Variants in ZFYVE26 observed in about 807,000 individuals in gnomAD.
The protein encoded by ZFYVE26 is zinc finger FYVE domain-containing protein 26.
A neutral mutation model predicts 276.5 loss-of-function variants in ZFYVE26; 181 were observed. That is an observed-to-expected ratio of 0.65 (90% CI 0.58 to 0.74). The LOEUF is 0.74. ZFYVE26 is among the 30% of genes least tolerant of loss of function. The pLI is 0.00. For missense variants in ZFYVE26, 2,821 were observed against 3,097.9 expected, an observed-to-expected ratio of 0.91 and a Z score of 2.12; for synonymous variants, 1,129 against 1,203.1, an observed-to-expected ratio of 0.94 and a Z score of 1.27.
intron 13 of ZFYVE26, among the ~76,000 whole-genome samples, chr14:67,734,906 G>T (rs562226696): frequency 6.6e-6 from 1 of 152,336 alleles, no homozygotes; most frequent in South Asian, 2.1e-4. Flanking sequence ...AGCTTGGCCA[G>T]CTCACAGTGG....
At chr14:67,750,677 T>C (rs1594880348) in intron 41 of ZFYVE26, 2 of 322,006 alleles carry the variant, frequency 6.2e-6, no homozygotes, top group East Asian at 1.5e-4. Flanking sequence ...CCCTCTAGGA[T>C]AAAGAGATAC....
rs570241632 is a variant in ZFYVE26, at chr14:67,735,117, A to G, written n.2680-5298T>C. 21 of 791,374 alleles carry G rather than the reference A, an allele frequency of 2.7e-5. No individual in the cohort carries two copies. The African/African-American group carries it at 2.9e-4, about 11-fold the overall frequency. The allele number at this position is 791,374 out of a possible 1,614,324, so 49.0% of individuals were successfully genotyped here. A position where few individuals can be genotyped will look rare whatever the true frequency, so the allele number is the denominator to read the frequency against. On this transcript the variant is annotated intron_variant and non_coding_transcript_variant, in intron 13 of 14. Transcript: ENST00000394455. The stretch of plus-strand genomic sequence containing the variant: ...AGCAGCAAAGAATGCAAAAGAAAAC[A>G]ATGATAGGCATGGGTGTTGATTCGA...
intron 40 of ZFYVE26, among the ~76,000 whole-genome samples, chr14:67,751,753 G>A (rs1320043395): frequency 2.6e-5 from 4 of 152,022 alleles, no homozygotes; most frequent in East Asian, 3.9e-4. Flanking sequence ...GGCGCCTGTA[G>A]TCCCAGCTAC....
chr14:67,809,716 C>G lies in ZFYVE26; in HGVS notation c.274-427G>C, dbSNP rs139567510. Reference sequence around the variant, plus strand: ...GGATTACAGATGTGAGCTACCACGCCTGGCCTAAGATAAAGTACTTTTAAA... The same window carrying G: ...GGATTACAGATGTGAGCTACCACGCGTGGCCTAAGATAAAGTACTTTTAAA... On this transcript the variant is annotated intron_variant, in intron 3 of 41. Coordinates refer to ENST00000347230, the MANE Select transcript of ZFYVE26 (RefSeq NM_015346.4). Among the ~76,000 whole-genome samples the G allele has an allele frequency of 2.4e-4, 37 of 151,684 alleles. 1 individual carries two copies. The East Asian group carries it at 7.2e-3, about 29-fold the overall frequency.
Position 67,748,229 on chromosome 14 carries a change from T to A in ZFYVE26, c.*207A>T. Reference sequence around the variant, plus strand: ...CTGGCCATCTCCAGACAAACACACATAGATTCCACAATTTTAGAGAAACAT... The same window carrying A: ...CTGGCCATCTCCAGACAAACACACAAAGATTCCACAATTTTAGAGAAACAT... On this transcript the variant is annotated 3_prime_UTR_variant, in exon 42 of 42. Coordinates refer to ENST00000347230, the MANE Select transcript of ZFYVE26 (RefSeq NM_015346.4). 1 of 613,968 alleles carries A rather than the reference T, an allele frequency of 1.6e-6. No homozygotes were observed. The highest frequency in any genetic ancestry group is 3.0e-5 in the Admixed American group (1 of 33,872). 38.0% of individuals were successfully genotyped at this position (613,968 alleles called of 1,614,324 possible).
intron 28 of ZFYVE26, among the ~76,000 whole-genome samples, chr14:67,771,395 CT>C (rs1222602616): frequency 6.6e-6 from 1 of 152,164 alleles, no homozygotes; most frequent in African/African-American, 2.4e-5. Flanking sequence ...ATCAAAGTGA[CT>C]TTAAAGTACT....
chr14:67,786,996 T>C (rs1018017838), intron 16 of ZFYVE26, among the ~76,000 whole-genome samples: 15 of 152,038 alleles, frequency 9.9e-5, no homozygotes, highest in Non-Finnish European at 2.2e-4. Flanking sequence ...TCAAAATAAC[T>C]GAATTCATGG....
chr14:67,732,815 A>G (rs2038300286), intron 13 of ZFYVE26, among the ~76,000 whole-genome samples: 1 of 152,166 alleles, frequency 6.6e-6, no homozygotes, highest in Non-Finnish European at 1.5e-5. Flanking sequence ...TCCTGACCTC[A>G]GGTGATCCAC....
chr14:67,786,254 AGG>A, intron 16 of ZFYVE26, 21 bp from the exon 17 acceptor site: 1 of 1,591,200 alleles, frequency 6.3e-7, no homozygotes. Context: ...ATGAAGGAAG[AGG>A]GAATGCAAAA....
chr14:67,791,550 T>C (rs2039813420), intron 14 of ZFYVE26, among the ~76,000 whole-genome samples: 1 of 152,032 alleles, frequency 6.6e-6, no homozygotes, highest in Non-Finnish European at 1.5e-5. Context: ...TGTTCCATAC[T>C]ATAGGGTTAA....
chr14:67,748,083 C>T lies in ZFYVE26; in HGVS notation c.*353G>A, dbSNP rs1435132924. 1 of 292,904 alleles carries T rather than the reference C, an allele frequency of 3.4e-6. No individual in the cohort carries two copies. Among genetic ancestry groups the T allele is most frequent in the Non-Finnish European group, 6.5e-6 (1 of 153,558 alleles). The allele number at this position is 292,904 out of a possible 1,614,324, so 18.1% of individuals were successfully genotyped here. A position where few individuals can be genotyped will look rare whatever the true frequency, so the allele number is the denominator to read the frequency against. On this transcript the variant is annotated 3_prime_UTR_variant, in exon 42 of 42. Transcript: ENST00000347230. ...AGAGTGGCAAGTCTAAAGTAAAGTGCCTCTTTTAAATGGAGAAGAGTTTCA... is the reference window on the plus strand; with the variant it reads ...AGAGTGGCAAGTCTAAAGTAAAGTGTCTCTTTTAAATGGAGAAGAGTTTCA...
intron 26 of ZFYVE26, 21 bp downstream of exon 26, chr14:67,775,839 T>C: frequency 6.2e-7 from 1 of 1,614,062 alleles, no homozygotes; most frequent in South Asian, 1.1e-5. Flanking sequence ...TAGAATCCCC[T>C]TCTAGGATGC....
chr14:67,776,532 G>A (rs1170664897), intron 25 of ZFYVE26, among the ~76,000 whole-genome samples: 1 of 152,206 alleles, frequency 6.6e-6, no homozygotes, highest in Non-Finnish European at 1.5e-5. Flanking sequence ...CTCACGCCTG[G>A]CCTGGACCCT....
At position 67,805,547 on chromosome 14, in the gene ZFYVE26, C is replaced by A; in HGVS notation, c.1089G>T (p.Arg363Ser). The change falls in exon 7 of 42, where the codon AGG becomes AGT. Residue 363 changes from arginine to serine, a missense_variant. By Grantham distance (110) the Arg-to-Ser change is moderately radical. Transcript: ENST00000347230. ...GGAGTACAAGCAGGCAACTGAGGGG[C>A]CTGAATTCTCTATCAAGTAGGCAGC... is the stretch of plus-strand genomic sequence containing the variant. Reference protein sequence around the residue: ...NLGCLLDREFRPLSCLLVLLG... With the variant: ...NLGCLLDREFSPLSCLLVLLG... The A allele has an allele frequency of 1.2e-6, 2 of 1,614,128 alleles. No homozygotes were observed. Among genetic ancestry groups the A allele is most frequent in the Non-Finnish European group, 8.5e-7 (1 of 1,180,030 alleles).
At chr14:67,794,087 A>G (rs1021177843) in intron 13 of ZFYVE26, 84 bp downstream of exon 13, 2 of 1,453,654 alleles carry the variant, frequency 1.4e-6, no homozygotes, top group Non-Finnish European at 1.9e-6. Context: ...TGACTGCTCA[A>G]TCCTGGCTTT....
chr14:67,795,507 T>C (rs954741487), intron 12 of ZFYVE26, among the ~76,000 whole-genome samples: 1 of 152,212 alleles, frequency 6.6e-6, no homozygotes, highest in Admixed American at 6.5e-5. Context: ...CTTTAAACTT[T>C]CCATGTATAC....
intron 6 of ZFYVE26, 64 bp downstream of exon 6, chr14:67,806,481 G>A: frequency 6.2e-7 from 1 of 1,601,844 alleles, no homozygotes; most frequent in Non-Finnish European, 8.5e-7. Context: ...AGAGAAATGA[G>A]GAATGAAAAA....
At chr14:67,800,159 A>C (rs905426765) in intron 10 of ZFYVE26, among the ~76,000 whole-genome samples, 18 of 152,266 alleles carry the variant, frequency 1.2e-4, no homozygotes, top group African/African-American at 3.6e-4. Flanking sequence ...ATATGATTAA[A>C]TAAAAAAAGT....
At chr14:67,816,353 C>G (rs1309069162) in intron 1 of ZFYVE26, among the ~76,000 whole-genome samples, 181 bp downstream of exon 1, 1 of 152,114 alleles carries the variant, frequency 6.6e-6, no homozygotes, top group Non-Finnish European at 1.5e-5. Flanking sequence ...GTCGCCTCCT[C>G]AAGAATGAGA....
Sources: allele counts gnomAD v4.1 joint callset (sites outside exome capture counted in the v4.1 genomes callset), GRCh38; gene constraint gnomAD v4.1.1; transcripts MANE v1.5; gene names NCBI Gene and HGNC (gene_info 2026-07-23, HGNC 2026-07-21).